Variants in CASK observed in about 807,000 individuals in gnomAD.
The protein encoded by CASK is peripheral plasma membrane protein CASK.
In CASK, 4 loss-of-function variants were observed where a neutral mutation model predicts 82.9. The ratio of observed to expected loss-of-function variants is 0.05; its 90% confidence interval spans 0.02 to 0.11. The LOEUF is 0.11. Among genes scored for constraint, CASK ranks in the 10% least tolerant of loss-of-function variants. The pLI is 1.00. For missense variants in CASK, 358 were observed against 720.9 expected (o/e 0.50, Z 5.76); for synonymous variants, 259 against 253.5 (o/e 1.02, Z -0.20).
chrX:41,863,081 T>C (rs955596121), intron 1 of CASK, among the ~76,000 whole-genome samples: 1 of 112,126 alleles, frequency 8.9e-6, no homozygotes, highest in African/African-American at 3.2e-5. Context: ...TAATATAACA[T>C]GTCAGCAGCA....
chrX:41,542,770 C>T lies in CASK; in HGVS notation c.2076G>A (p.Gln692=). 2 of 1,205,963 alleles carry T rather than the reference C, an allele frequency of 1.7e-6. No homozygotes were observed. The highest frequency in any genetic ancestry group is 1.7e-5 in the African/African-American group (1 of 57,737). The stretch of plus-strand genomic sequence containing the variant: ...ACCAAGTACAGCTGGCCTGCTGCTC[C>T]TGTTTGGTCTTCTCCATGGCAATGC... The part of the protein sequence containing the change: ...VACIAMEKTK[Q]EQQASCTWFG... The change falls in exon 22 of 27, where the codon CAG becomes CAA. Residue 692 remains glutamine (Q), a synonymous_variant. Transcript: ENST00000378163.
Position 41,555,624 on chromosome X carries a change from T to G in CASK, c.1818A>C (p.Ser606=). The G allele has an allele frequency of 8.3e-7, 1 of 1,203,378 alleles. No individual in the cohort carries two copies. The highest frequency in any genetic ancestry group is 3.0e-5 in the East Asian group (1 of 33,831). Residue 606 remains serine (S), a synonymous_variant, in exon 20 of 27, where the codon TCA becomes TCC. Transcript: ENST00000378163. ...STNNSVSDLP[S]TTQPKGRQIY... ...CCTGTCGTCCTTTTGGTTGGGTAGT[T>G]GATGGCAAGTCCTGTAGAATAAAGC... is the stretch of plus-strand genomic sequence containing the variant.
chrX:41,855,285 G>A (rs2071346902), intron 1 of CASK, among the ~76,000 whole-genome samples: 1 of 111,470 alleles, frequency 9.0e-6, no homozygotes, highest in South Asian at 3.8e-4. Flanking sequence ...TTTATAGTAC[G>A]AGGCAAAGAA....
intron 19 of CASK, 30 bp downstream of exon 19, chrX:41,557,002 C>T: frequency 8.6e-7 from 1 of 1,157,336 alleles, no homozygotes; most frequent in Non-Finnish European, 1.2e-6. Flanking sequence ...AAAATTGTCA[C>T]ACTTTGCTGT....
At chrX:41,724,562 T>A (rs955009636) in intron 5 of CASK, among the ~76,000 whole-genome samples, 1 of 112,338 alleles carries the variant, frequency 8.9e-6, no homozygotes, top group African/African-American at 3.2e-5. Flanking sequence ...CAGTTTTGCA[T>A]CTGTAACATG....
At position 41,727,114 on chromosome X, in the gene CASK, G is replaced by A. The variant is rs778390954; in HGVS notation, c.429+12270C>T. 3 of 1,184,373 alleles carry A rather than the reference G, an allele frequency of 2.5e-6. No homozygotes were observed. In the African/African-American group the frequency reaches 5.3e-5, roughly 21 times the overall value. On this transcript the variant is annotated intron_variant, in intron 5 of 26. Coordinates refer to ENST00000378163, the MANE Select transcript of CASK (RefSeq NM_001367721.1). ...TTACATCCTCCTTTGTATTGTTGGT[G>A]TTTTTGGAAACACTCTCTCTCAATG...
chrX:41,608,334 T>A (rs1466377114), intron 12 of CASK, among the ~76,000 whole-genome samples: 1 of 112,568 alleles, frequency 8.9e-6, no homozygotes, highest in Non-Finnish European at 1.9e-5. Context: ...TTTCCCAAAC[T>A]TATTTAGTCA....
chrX:41,743,550 G>C (rs765122788), intron 4 of CASK: 1 of 286,188 alleles, frequency 3.5e-6, no homozygotes, highest in African/African-American at 2.8e-5. Context: ...AAAACACAGC[G>C]ACCACACATT....
chrX:41,811,266 C>T (rs890028523), intron 2 of CASK, among the ~76,000 whole-genome samples: 17 of 112,353 alleles, frequency 1.5e-4, no homozygotes, highest in African/African-American at 5.2e-4. Context: ...CACCCCAAAT[C>T]AACAGAATAT....
chrX:41,787,110 G>C (rs1156844696), intron 3 of CASK, 68 bp downstream of exon 3: 1 of 644,505 alleles, frequency 1.6e-6, no homozygotes, highest in African/African-American at 2.1e-5. Flanking sequence ...CAAGAGAAAA[G>C]TGTTAGCATT....
chrX:41,848,908 T>C (rs2071209248), intron 2 of CASK, among the ~76,000 whole-genome samples: 1 of 112,280 alleles, frequency 8.9e-6, no homozygotes, highest in South Asian at 3.7e-4. Context: ...CAGTCAGTTT[T>C]CTTGAATAAA....
At chrX:41,693,803 T>A (rs1055442845) in intron 5 of CASK, among the ~76,000 whole-genome samples, 1 of 111,595 alleles carries the variant, frequency 9.0e-6, no homozygotes. Context: ...AACAGGCTCT[T>A]ACCAGGGATT....
chrX:41,849,988 G>A (rs979228002), intron 2 of CASK, among the ~76,000 whole-genome samples: 1 of 111,485 alleles, frequency 9.0e-6, no homozygotes, highest in Non-Finnish European at 1.9e-5. Context: ...AGATCAGCCT[G>A]AACAATATGG....
At chrX:41,739,870 T>C (rs747966311) in intron 4 of CASK, among the ~76,000 whole-genome samples, 1 of 112,674 alleles carries the variant, frequency 8.9e-6, no homozygotes, top group South Asian at 3.6e-4. Context: ...GCCTTTGATC[T>C]GCCAGCAAAT....
chrX:41,704,039 C>T (rs1401258148), intron 5 of CASK, among the ~76,000 whole-genome samples: 1 of 111,055 alleles, frequency 9.0e-6, no homozygotes, highest in East Asian at 2.8e-4. Flanking sequence ...CCTCCCCCTC[C>T]CTTTTCCCCT....
At chrX:41,738,719 A>G (rs1388607302) in intron 5 of CASK, among the ~76,000 whole-genome samples, 1 of 111,434 alleles carries the variant, frequency 9.0e-6, no homozygotes, top group Non-Finnish European at 1.9e-5. Context: ...AAGGGACCTC[A>G]GGGGCTCCCT....
intron 1 of CASK, among the ~76,000 whole-genome samples, chrX:41,893,345 A>G (rs2072210694): frequency 8.9e-6 from 1 of 112,367 alleles, no homozygotes; most frequent in African/African-American, 3.2e-5. Context: ...AACAATAGCA[A>G]TCATTAGAAA....
At chrX:41,690,402 A>C (rs940647219) in intron 5 of CASK, among the ~76,000 whole-genome samples, 4 of 110,769 alleles carry the variant, frequency 3.6e-5, no homozygotes, top group Non-Finnish European at 7.6e-5. Flanking sequence ...GCTAGAGTAC[A>C]GTGGCATGAA....
At position 41,911,875 on chromosome X, in the gene CASK, G is replaced by GT. The variant is rs199659345; in HGVS notation, c.59+11054dup. On this transcript the variant is annotated intron_variant, in intron 1 of 26. Coordinates refer to ENST00000378163, the MANE Select transcript of CASK (RefSeq NM_001367721.1). ...TCTATGTACATAAGAGGCAATGACA[G>GT]TTTTTTTTTAACTTTTTTTATTATA... Among the ~76,000 whole-genome samples, 823 of 110,067 alleles carry GT rather than the reference G, an allele frequency of 7.5e-3. 6 individuals are homozygous for GT. Among genetic ancestry groups the GT allele is most frequent in the Admixed American group, 0.015 (150 of 10,325 alleles).
Sources: allele counts gnomAD v4.1 joint callset (sites outside exome capture counted in the v4.1 genomes callset), GRCh38; gene constraint gnomAD v4.1.1; transcripts MANE v1.5; gene names NCBI Gene and HGNC (gene_info 2026-07-23, HGNC 2026-07-21).